Variants in ATF7IP2 observed in about 807,000 individuals in gnomAD.
The protein encoded by ATF7IP2 is activating transcription factor 7 interacting protein 2.
Under a neutral mutation model 64.2 loss-of-function variants are expected in ATF7IP2, and 42 were observed. That is an observed-to-expected ratio of 0.65 (90% CI 0.51 to 0.85). ATF7IP2 has a LOEUF of 0.85. Among genes scored for constraint, ATF7IP2 ranks in the 40% least tolerant of loss-of-function variants. The pLI, the probability that ATF7IP2 is intolerant of heterozygous loss-of-function variation, is 0.00. For missense variants in ATF7IP2, 933 were observed against 784.2 expected (o/e 1.19, Z -2.27); for synonymous variants, 308 against 272.8 (o/e 1.13, Z -1.27).
intron 2 of ATF7IP2, among the ~76,000 whole-genome samples, chr16:10,418,839 G>C (rs1413392502): frequency 6.6e-6 from 1 of 152,164 alleles, no homozygotes; most frequent in Non-Finnish European, 1.5e-5. Flanking sequence ...ATTTGAGGTT[G>C]AGGTGCCACT....
intron 2 of ATF7IP2, among the ~76,000 whole-genome samples, chr16:10,417,888 G>A (rs557044117): frequency 6.6e-6 from 1 of 152,166 alleles, no homozygotes; most frequent in Non-Finnish European, 1.5e-5. Flanking sequence ...TTTTTTATGA[G>A]GGTGTCATAA....
rs1402865987 is a variant in ATF7IP2, at chr16:10,415,470, A to G, written c.-203+858A>G. 2.0e-5 allele frequency among the ~76,000 whole-genome samples: 3 copies of G among 152,230 alleles called. No individual in the cohort carries two copies. The East Asian group carries it at 5.8e-4, about 29-fold the overall frequency. The stretch of plus-strand genomic sequence containing the variant: ...ATCTGTTATCTCTCACTATATATAA[A>G]AAGGCAAAATGGATTGCTTAAATCT... On this transcript the variant is annotated intron_variant, in intron 2 of 13. Transcript: ENST00000562102.
chr16:10,446,852 CA>C (rs1026194841), intron 8 of ATF7IP2: 4 of 152,098 alleles, frequency 2.6e-5, no homozygotes, highest in African/African-American at 9.7e-5. Context: ...CTTGCCTTCC[CA>C]ACTATTGGAA....
chr16:10,445,952 T>A (rs2141957408), intron 8 of ATF7IP2: 1 of 152,360 alleles, frequency 6.6e-6, no homozygotes, highest in South Asian at 2.1e-4. Flanking sequence ...AATAGTTCCT[T>A]CTTGGTTCTG....
rs145000336 is a variant in ATF7IP2 at position 10,482,180 on chromosome 16, T to C, written c.1980T>C (p.Asp660=). ...ACTATTTTACTGTCCAATCAAAAGA[T>C]ATTTTTGGACGATATGGACCATTCT... The part of the protein sequence containing the change: ...NRYYFTVQSK[D]IFGRYGPFCD... The change falls in exon 14 of 14, where the codon GAT becomes GAC. Residue 660 remains aspartate (D), a synonymous_variant. Transcript: ENST00000562102. 3.1e-5 allele frequency: 50 copies of C among 1,613,300 alleles called. 1 individual carries two copies. Among genetic ancestry groups the C allele is most frequent in the Non-Finnish European group, 3.9e-5 (46 of 1,179,416 alleles).
intron 1 of ATF7IP2, among the ~76,000 whole-genome samples, chr16:10,389,320 G>A (rs1455602736): frequency 2.0e-5 from 3 of 152,200 alleles, no homozygotes; most frequent in Non-Finnish European, 4.4e-5. Context: ...ACGATGAGCT[G>A]TAAGAGACGT....
At chr16:10,428,408 G>T (rs59287405) in intron 3 of ATF7IP2, among the ~76,000 whole-genome samples, 2,754 of 152,246 alleles carry the variant, frequency 0.018, 87 homozygotes, top group African/African-American at 0.062. Flanking sequence ...TGTTCACGTG[G>T]TTGGATGTTT....
intron 5 of ATF7IP2, among the ~76,000 whole-genome samples, chr16:10,432,046 T>A (rs1466250293): frequency 6.8e-6 from 1 of 147,094 alleles, no homozygotes; most frequent in Non-Finnish European, 1.5e-5. Context: ...ACCATGTTGG[T>A]CATGCTGGTC....
At chr16:10,403,460 C>T (rs2141779951) in intron 1 of ATF7IP2, among the ~76,000 whole-genome samples, 1 of 152,246 alleles carries the variant, frequency 6.6e-6, no homozygotes, top group African/African-American at 2.4e-5. Flanking sequence ...AGAAAAAAAA[C>T]TCCTGTCCTA....
chr16:10,453,619 G>C lies in ATF7IP2; in HGVS notation c.1195-3753G>C, dbSNP rs13337975. Among the ~76,000 whole-genome samples, 11 of 152,068 alleles carry C rather than the reference G, an allele frequency of 7.2e-5. No individual in the cohort carries two copies. The East Asian group carries it at 2.1e-3, about 29-fold the overall frequency. On this transcript the variant is annotated intron_variant, in intron 8 of 13. Coordinates refer to ENST00000562102, the MANE Select transcript of ATF7IP2 (RefSeq NM_001393719.1). ...GAAAACTGAGCAAGGAGCTTTCTTT[G>C]TTTATTTATTTTTTTGAGATGGAGT...
intron 3 of ATF7IP2, among the ~76,000 whole-genome samples, chr16:10,421,418 C>T (rs1204754324): frequency 6.6e-6 from 1 of 152,178 alleles, no homozygotes; most frequent in African/African-American, 2.4e-5. Context: ...ACTAGGATCT[C>T]CTCTAAGGAT....
intron 3 of ATF7IP2, among the ~76,000 whole-genome samples, chr16:10,420,950 T>C (rs539757879): frequency 4.6e-5 from 7 of 152,364 alleles, no homozygotes; most frequent in African/African-American, 1.2e-4. Flanking sequence ...GGTTAAAATT[T>C]AGTTATTTTA....
chr16:10,444,480 G>T (rs1392877382), intron 8 of ATF7IP2, among the ~76,000 whole-genome samples: 1 of 152,194 alleles, frequency 6.6e-6, no homozygotes, highest in Admixed American at 6.5e-5. Context: ...AACTCAAGAG[G>T]CAGTGTTTGT....
At chr16:10,465,709 A>T (rs2049544167) in intron 9 of ATF7IP2, among the ~76,000 whole-genome samples, 1 of 149,472 alleles carries the variant, frequency 6.7e-6, no homozygotes, top group African/African-American at 2.5e-5. Context: ...ACTGCACTCC[A>T]GCCTGGGCAA....
chr16:10,474,429 G>C (rs1054832790), intron 12 of ATF7IP2, among the ~76,000 whole-genome samples: 1 of 152,126 alleles, frequency 6.6e-6, no homozygotes, highest in Non-Finnish European at 1.5e-5. Context: ...CATCTGGCTT[G>C]TTGGGGACTT....
At chr16:10,478,981 C>G (rs1456284043) in intron 12 of ATF7IP2, among the ~76,000 whole-genome samples, 1 of 151,534 alleles carries the variant, frequency 6.6e-6, no homozygotes, top group African/African-American at 2.4e-5. Flanking sequence ...GAATGGCAAT[C>G]ATTAAAAAGT....
chr16:10,407,899 T>C (rs183429972), intron 1 of ATF7IP2, among the ~76,000 whole-genome samples: 8 of 151,524 alleles, frequency 5.3e-5, no homozygotes, highest in Admixed American at 4.0e-4. Context: ...TTTCTACTCT[T>C]GAGTTACTTC....
chr16:10,443,170 T>C (rs1179703138), intron 8 of ATF7IP2, among the ~76,000 whole-genome samples: 2 of 152,190 alleles, frequency 1.3e-5, no homozygotes, highest in Non-Finnish European at 2.9e-5. Flanking sequence ...CACTCGAGGA[T>C]GAGTAAGGGC....
intron 8 of ATF7IP2, among the ~76,000 whole-genome samples, chr16:10,441,591 A>G (rs2048624393): frequency 6.6e-6 from 1 of 151,922 alleles, no homozygotes; most frequent in Non-Finnish European, 1.5e-5. Flanking sequence ...CCGCTTTTTG[A>G]TGGGGTTGTT....
Sources: allele counts gnomAD v4.1 joint callset (sites outside exome capture counted in the v4.1 genomes callset), GRCh38; gene constraint gnomAD v4.1.1; transcripts MANE v1.5; gene names NCBI Gene and HGNC (gene_info 2026-07-23, HGNC 2026-07-21).